The following CACNA2D3 variants were observed in gnomAD, a reference collection of about 807,000 sequenced individuals.
CACNA2D3 encodes voltage-dependent calcium channel subunit alpha-2/delta-3.
In CACNA2D3, 60 loss-of-function variants were observed where a neutral mutation model predicts 160.6. The observed-to-expected ratio is 0.37, with a 90% CI of 0.30 to 0.46. The LOEUF (loss-of-function observed/expected upper bound fraction) is 0.46, where lower values mean the gene tolerates loss of function less well. CACNA2D3 is among the 20% of genes least tolerant of loss of function. The probability of loss-of-function intolerance (pLI) is 1.00; values close to 1 mark genes in which losing one functional copy is unlikely to be tolerated. For missense variants in CACNA2D3, 1,205 were observed against 1,365.0 expected (o/e 0.88, Z 1.85); for synonymous variants, 558 against 492.9 (o/e 1.13, Z -1.75).
intron 27 of CACNA2D3, among the ~76,000 whole-genome samples, chr3:54,955,052 A>G (rs942550614): frequency 8.5e-5 from 13 of 152,332 alleles, no homozygotes; most frequent in Middle Eastern, 3.4e-3. Context: ...CTGAAAATCA[A>G]CTGACAAAAG....
chr3:54,740,158 G>A (rs1479835581), intron 11 of CACNA2D3, among the ~76,000 whole-genome samples: 1 of 152,084 alleles, frequency 6.6e-6, no homozygotes, highest in Non-Finnish European at 1.5e-5. Context: ...CGTAGTCTCC[G>A]ATGGGGTATT....
At chr3:55,001,622 C>A (rs1304246116) in intron 31 of CACNA2D3, among the ~76,000 whole-genome samples, 2 of 152,192 alleles carry the variant, frequency 1.3e-5, no homozygotes, top group Non-Finnish European at 2.9e-5. Context: ...TCAAAGATGG[C>A]ATTTTCACTA....
chr3:54,807,723 A>G (rs1160571042), intron 13 of CACNA2D3, among the ~76,000 whole-genome samples: 1 of 152,058 alleles, frequency 6.6e-6, no homozygotes, highest in Non-Finnish European at 1.5e-5. Context: ...CCAAAGGACT[A>G]TAAATCATGC....
At chr3:54,496,978 C>G (rs1200702480) in intron 4 of CACNA2D3, among the ~76,000 whole-genome samples, 1 of 152,082 alleles carries the variant, frequency 6.6e-6, no homozygotes, top group Non-Finnish European at 1.5e-5. Flanking sequence ...TTTGTCTATT[C>G]TAATGCTTAT....
chr3:54,137,156 AC>A (rs1272966576), intron 2 of CACNA2D3, among the ~76,000 whole-genome samples: 6 of 152,216 alleles, frequency 3.9e-5, no homozygotes, highest in African/African-American at 1.4e-4. Context: ...ATGGGCTGGC[AC>A]AGGGTATAGC....
At chr3:54,852,252 T>G (rs1307371151) in intron 17 of CACNA2D3, among the ~76,000 whole-genome samples, 1 of 152,210 alleles carries the variant, frequency 6.6e-6, no homozygotes, top group East Asian at 1.9e-4. Context: ...GCTCCATAGT[T>G]TGGCCTGGAA....
chr3:54,969,781 C>T lies in CACNA2D3; in HGVS notation c.2512-19C>T. ...AAGTAACATAGTAACACATTTCCCT[C>T]CACTTTTTGCCTTCACAGTGTGCTT... On this transcript the variant is annotated intron_variant, in intron 28 of 37. Coordinates refer to ENST00000474759, the MANE Select transcript of CACNA2D3 (RefSeq NM_018398.3). The T allele has an allele frequency of 6.2e-7, 1 of 1,611,826 alleles. No homozygotes were observed. The highest frequency in any genetic ancestry group is 8.5e-7 in the Non-Finnish European group (1 of 1,178,652).
intron 2 of CACNA2D3, among the ~76,000 whole-genome samples, chr3:54,196,765 A>G (rs943080356): frequency 3.3e-5 from 5 of 152,144 alleles, no homozygotes; most frequent in Admixed American, 1.3e-4. Context: ...GGAGATGGCA[A>G]TTTTTGCACA....
chr3:54,665,243 C>T (rs971015844), intron 11 of CACNA2D3, among the ~76,000 whole-genome samples: 2 of 152,252 alleles, frequency 1.3e-5, no homozygotes, highest in Non-Finnish European at 2.9e-5. Context: ...TGATAGATTC[C>T]GCTTAATGCC....
At chr3:54,805,080 A>C (rs939219591) in intron 13 of CACNA2D3, among the ~76,000 whole-genome samples, 2 of 152,238 alleles carry the variant, frequency 1.3e-5, no homozygotes, top group African/African-American at 4.8e-5. Flanking sequence ...ATAGCACTAA[A>C]TGCCCACAAG....
chr3:54,450,530 G>C (rs1302870383), intron 4 of CACNA2D3, among the ~76,000 whole-genome samples: 1 of 152,072 alleles, frequency 6.6e-6, no homozygotes, highest in Non-Finnish European at 1.5e-5. Flanking sequence ...GATCCCTCAT[G>C]AATAGATTAA....
At chr3:54,606,201 C>G (rs1483427818) in intron 9 of CACNA2D3, among the ~76,000 whole-genome samples, 1 of 151,960 alleles carries the variant, frequency 6.6e-6, no homozygotes, top group African/African-American at 2.4e-5. Context: ...ATGCATTCCT[C>G]CTATTGGCTT....
chr3:54,227,135 T>C (rs1003129905), intron 2 of CACNA2D3, among the ~76,000 whole-genome samples: 73 of 152,248 alleles, frequency 4.8e-4, no homozygotes, highest in Non-Finnish European at 2.5e-4. Context: ...GCTAACAACA[T>C]GAATAGAACA....
At chr3:54,947,355 A>T (rs1464301300) in intron 27 of CACNA2D3, among the ~76,000 whole-genome samples, 3 of 152,200 alleles carry the variant, frequency 2.0e-5, no homozygotes, top group Admixed American at 2.0e-4. Flanking sequence ...TAAGAGACAG[A>T]AAACAAGGTG....
At chr3:54,764,465 T>A in intron 13 of CACNA2D3, 114 bp downstream of exon 13, 3 of 1,307,736 alleles carry the variant, frequency 2.3e-6, no homozygotes, top group Non-Finnish European at 3.2e-6. Flanking sequence ...AGTGACACTT[T>A]TCTTGATTGT....
intron 2 of CACNA2D3, among the ~76,000 whole-genome samples, chr3:54,234,964 A>G (rs557702404): frequency 3.5e-4 from 53 of 152,280 alleles, no homozygotes; most frequent in Non-Finnish European, 6.8e-4. Flanking sequence ...CCCAAGACAC[A>G]TGTTTACCTG....
rs140828671 is a variant in CACNA2D3, at chr3:55,018,822, G to A, written c.2987+505G>A. On this transcript the variant is annotated intron_variant, in intron 35 of 37. Transcript: ENST00000474759. ...TCTTTATTTCAATTGGACAGTTCCC[G>A]TCTGGGTGATTGGATCTACTCTTAC... 6.7e-3 allele frequency among the ~76,000 whole-genome samples: 1,024 copies of A among 151,992 alleles called. 8 individuals carry two copies. Among genetic ancestry groups the A allele is most frequent in the Non-Finnish European group, 7.2e-3 (488 of 67,988 alleles).
chr3:54,459,138 A>T (rs1211681887), intron 4 of CACNA2D3, among the ~76,000 whole-genome samples: 1 of 152,086 alleles, frequency 6.6e-6, no homozygotes, highest in Non-Finnish European at 1.5e-5. Flanking sequence ...TCCATGGTGT[A>T]TATGTGCCAC....
chr3:54,748,411 C>T (rs929233522), intron 11 of CACNA2D3, among the ~76,000 whole-genome samples: 2 of 151,916 alleles, frequency 1.3e-5, no homozygotes, highest in African/African-American at 4.8e-5. Context: ...TTGTTTGTTC[C>T]ATTGGGGAAG....
Sources: allele counts gnomAD v4.1 joint callset (sites outside exome capture counted in the v4.1 genomes callset), GRCh38; gene constraint gnomAD v4.1.1; transcripts MANE v1.5; gene names NCBI Gene and HGNC (gene_info 2026-07-23, HGNC 2026-07-21).